The following RBM15 variants were observed in gnomAD, a reference collection of about 807,000 sequenced individuals.
The protein encoded by RBM15 is RNA binding motif protein 15.
A neutral mutation model predicts 62.6 loss-of-function variants in RBM15; 8 were observed. The ratio of observed to expected loss-of-function variants is 0.13; its 90% confidence interval spans 0.07 to 0.23. The LOEUF is 0.23. Among genes scored for constraint, RBM15 ranks in the 10% least tolerant of loss-of-function variants. RBM15 has a pLI of 1.00. For synonymous variants in RBM15, 606 were observed against 505.7 expected (o/e 1.20, Z -2.66); for missense variants, 1,144 against 1,286.5 (o/e 0.89, Z 1.69).
chr1:110,344,021 T>TG (rs1458429394), intron 1 of RBM15, among the ~76,000 whole-genome samples: 4 of 152,318 alleles, frequency 2.6e-5, no homozygotes, highest in East Asian at 3.9e-4. Flanking sequence ...GTTTTTAAAC[T>TG]GGAAAAACTA....
rs1172869180 is a variant in RBM15, at chr1:110,346,006, T to A, written c.*41-302T>A. 3.9e-5 allele frequency among the ~76,000 whole-genome samples: 6 copies of A among 152,332 alleles called. No homozygotes were observed. The East Asian group carries it at 1.2e-3, about 29-fold the overall frequency. On this transcript the variant is annotated intron_variant, in intron 2 of 2. Transcript: ENST00000369784. ...ATTGATTGTGAAACTTTTTTCTGAA[T>A]TTTTTCAACATGTTTTACTCAGTTA... is the stretch of plus-strand genomic sequence containing the variant.
Position 110,341,669 on chromosome 1 carries a change from G to A in RBM15, c.2264G>A (p.Ser755Asn). The A allele has an allele frequency of 6.2e-7, 1 of 1,614,130 alleles. No homozygotes were observed. ...KEDRSDGSAP[S>N]TSTASSKLKS... ...GACCGCTCTGATGGGAGTGCACCTA[G>A]CACCAGCACTGCTTCCTCCAAGCTG... The change falls in exon 1 of 3, where the codon AGC becomes AAC. Residue 755 changes from serine (S) to asparagine (N), a missense_variant. Around this residue, in one of 8 missense-constraint regions of RBM15, gnomAD observed 360 missense variants for 342.9 expected, o/e 1.05. Coordinates refer to ENST00000369784, the MANE Select transcript of RBM15 (RefSeq NM_022768.5). This position sits in a 1 kb window ranked among gnomAD's most constrained non-coding sequence, Gnocchi z 4.5.
Position 110,339,681 on chromosome 1 carries a change from T to C in RBM15, c.276T>C (p.Gly92=), listed in dbSNP as rs767492348. 6.2e-6 allele frequency: 10 copies of C among 1,612,776 alleles called. No individual in the cohort carries two copies. In the South Asian group the frequency reaches 1.1e-4, roughly 18 times the overall value. Residue 92 remains glycine (G), a synonymous_variant, in exon 1 of 3, where the codon GGT becomes GGC. Coordinates refer to ENST00000369784, the MANE Select transcript of RBM15 (RefSeq NM_022768.5). The part of the protein sequence containing the change: ...GSSSGKTDSG[G]GSRRSLHLDK... ...GCAGCGGAAAGACCGATAGCGGCGG[T>C]GGGTCGCGGCGGAGTCTCCACCTGG...
Position 110,340,965 on chromosome 1 carries a change from A to T in RBM15, c.1560A>T (p.Arg520=). The part of the protein sequence containing the change: ...MRGFPLGGPD[R]RLRVDFADTE... Reference sequence around the variant, plus strand: ...GCTTCCCACTTGGTGGCCCAGATCGACGCCTTAGAGTAGACTTTGCCGACA... The same window carrying T: ...GCTTCCCACTTGGTGGCCCAGATCGTCGCCTTAGAGTAGACTTTGCCGACA... Residue 520 remains arginine (R), a synonymous_variant, in exon 1 of 3, where the codon CGA becomes CGT. Transcript: ENST00000369784. The surrounding 1 kb of genome is among the most constrained non-coding windows in gnomAD (Gnocchi z 5.8). The T allele has an allele frequency of 6.2e-7, 1 of 1,614,186 alleles. No homozygotes were observed. Among genetic ancestry groups the T allele is most frequent in the Non-Finnish European group, 8.5e-7 (1 of 1,180,026 alleles).
chr1:110,342,348 C>G, intron 1 of RBM15, 80 bp downstream of exon 1: 1 of 1,102,912 alleles, frequency 9.1e-7, no homozygotes, highest in Non-Finnish European at 1.3e-6. Context: ...TGGGATACAG[C>G]ATCAGATGCA....
intron 1 of RBM15, among the ~76,000 whole-genome samples, chr1:110,344,257 AACTC>A (rs1234441866): frequency 6.6e-6 from 1 of 152,156 alleles, no homozygotes; most frequent in Non-Finnish European, 1.5e-5. Flanking sequence ...AGTTTAAATA[AACTC>A]ACTAACCATT....
At position 110,340,048 on chromosome 1, in the gene RBM15, G is replaced by A; in HGVS notation, c.643G>A (p.Glu215Lys). Residue 215 changes from glutamate to lysine, a missense_variant, in exon 1 of 3, where the codon GAG becomes AAG. By Grantham distance (56) the Glu-to-Lys change is moderately conservative. Around this residue, in one of 8 missense-constraint regions of RBM15, gnomAD observed 188 missense variants for 185.6 expected, o/e 1.01. Coordinates refer to ENST00000369784, the MANE Select transcript of RBM15 (RefSeq NM_022768.5). This position sits in a 1 kb window ranked among gnomAD's most constrained non-coding sequence, Gnocchi z 5.8. ...SHLSGSGSGDERVAFVNFRRP... is the reference protein window; with the variant it reads ...SHLSGSGSGDKRVAFVNFRRP... ...TCTGTCGGGTTCTGGCAGCGGGGAT[G>A]AGCGGGTAGCCTTTGTGAACTTCCG... 1 of 1,614,102 alleles carries A rather than the reference G, an allele frequency of 6.2e-7. No homozygotes were observed. Among genetic ancestry groups the A allele is most frequent in the South Asian group, 1.1e-5 (1 of 91,082 alleles).
At position 110,339,420 on chromosome 1, in the gene RBM15, G is replaced by A; in HGVS notation, c.15G>A (p.Gly5=). The A allele has an allele frequency of 2.0e-6, 3 of 1,525,966 alleles. No homozygotes were observed. The highest frequency in any genetic ancestry group is 2.8e-5 in the African/African-American group (2 of 72,356). The allele number at this position is 1,525,966 out of a possible 1,614,324, so 94.5% of individuals were successfully genotyped here. Reference sequence around the variant, plus strand: ...GCAATTGGCCAATGAGGACTGCGGGGCGGGACCCTGTGCCGCGGCGGAGTC... The same window carrying A: ...GCAATTGGCCAATGAGGACTGCGGGACGGGACCCTGTGCCGCGGCGGAGTC... MRTA[G]RDPVPRRSPR... is the part of the protein sequence containing the mutation. The change falls in exon 1 of 3, where the codon GGG becomes GGA. Residue 5 remains glycine (G), a synonymous_variant. Coordinates refer to ENST00000369784, the MANE Select transcript of RBM15 (RefSeq NM_022768.5).
intron 2 of RBM15, 47 bp downstream of exon 2, chr1:110,345,696 G>A (rs1660884394): frequency 8.8e-7 from 1 of 1,142,830 alleles, no homozygotes. Flanking sequence ...TTATATGTAT[G>A]GTTTAAACAG....
In RBM15 at chr1:110,341,038, C is replaced by G; in HGVS notation, c.1633C>G (p.His545Asp). The G allele has an allele frequency of 6.2e-7, 1 of 1,614,222 alleles. No individual in the cohort carries two copies. Among genetic ancestry groups the G allele is most frequent in the Non-Finnish European group, 8.5e-7 (1 of 1,180,044 alleles). ...QQYLQPLPLT[H>D]YELVTDAFGH... is the part of the protein sequence containing the mutation. The stretch of plus-strand genomic sequence containing the variant: ...GTATCTGCAGCCTCTGCCCTTGACT[C>G]ATTATGAGCTGGTGACAGATGCTTT... The change falls in exon 1 of 3, where the codon CAT (histidine) becomes GAT (aspartate). Residue 545 changes from histidine to aspartate, a missense_variant. His to Asp is a moderately conservative substitution (Grantham distance 81). This residue lies in a region of RBM15 where 360 missense variants were observed against 342.9 expected (regional missense o/e 1.05). Transcript: ENST00000369784. This position sits in a 1 kb window ranked among gnomAD's most constrained non-coding sequence, Gnocchi z 4.5.
intron 1 of RBM15, 176 bp downstream of exon 1, chr1:110,342,444 A>AT (rs1266037439): frequency 6.0e-6 from 3 of 496,266 alleles, no homozygotes; most frequent in South Asian, 5.8e-5. Context: ...CAGTTTAGCT[A>AT]TTTTTTTGTT....
In RBM15 at chr1:110,339,748, G is replaced by T; in HGVS notation, c.343G>T (p.Gly115Cys). 2.5e-6 allele frequency: 4 copies of T among 1,612,176 alleles called. No homozygotes were observed. Among genetic ancestry groups the T allele is most frequent in the Non-Finnish European group, 3.4e-6 (4 of 1,179,282 alleles). The change falls in exon 1 of 3, where the codon GGT becomes TGT. Residue 115 changes from glycine (G) to cysteine (C), a missense_variant. Around this residue, in one of 8 missense-constraint regions of RBM15, gnomAD observed 298 missense variants for 250.0 expected, o/e 1.19. Coordinates refer to ENST00000369784, the MANE Select transcript of RBM15 (RefSeq NM_022768.5). ...AGGTGGCAGCCGCGAGTATGATACC[G>T]GTGGGGGCAGCTCCAGTAGCCGCTT... Reference protein sequence around the residue: ...SRGGSREYDTGGGSSSSRLHS... With the variant: ...SRGGSREYDTCGGSSSSRLHS...
In RBM15 at chr1:110,346,574, CT is replaced by C. The variant is rs1467157151; in HGVS notation, c.*312del. On this transcript the variant is annotated 3_prime_UTR_variant, in exon 3 of 3. Transcript: ENST00000369784. ...ATTTCTGGAAAAGTAAAGAAAAACC[CT>C]TTTTATGGCTCACACAGCTTAAGAG... The C allele has an allele frequency of 1.1e-5, 6 of 545,110 alleles. No individual in the cohort carries two copies. In the Admixed American group the frequency reaches 2.0e-4, roughly 18 times the overall value. The allele number at this position is 545,110 out of a possible 1,614,324, so 33.8% of individuals were successfully genotyped here.
chr1:110,341,690 A>G lies in RBM15; in HGVS notation c.2285A>G (p.Lys762Arg). The G allele has an allele frequency of 6.2e-7, 1 of 1,614,152 alleles. No homozygotes were observed. The highest frequency in any genetic ancestry group is 2.2e-5 in the East Asian group (1 of 44,872). ...SAPSTSTASSKLKSPSQKQDG... is the reference protein window; with the variant it reads ...SAPSTSTASSRLKSPSQKQDG... ...CCTAGCACCAGCACTGCTTCCTCCA[A>G]GCTGAAGTCCCCGTCCCAGAAACAG... Residue 762 changes from lysine to arginine, a missense_variant, in exon 1 of 3, where the codon AAG becomes AGG. Lys to Arg is a conservative substitution (Grantham distance 26, BLOSUM62 2). Coordinates refer to ENST00000369784, the MANE Select transcript of RBM15 (RefSeq NM_022768.5). The surrounding 1 kb of genome is among the most constrained non-coding windows in gnomAD (Gnocchi z 4.5).
At position 110,339,494 on chromosome 1, in the gene RBM15, G is replaced by T. The variant is rs201292259; in HGVS notation, c.89G>T (p.Arg30Leu). 6.3e-7 allele frequency: 1 copy of T among 1,583,294 alleles called. No homozygotes were observed. The highest frequency in any genetic ancestry group is 8.6e-7 in the Non-Finnish European group (1 of 1,161,508). Residue 30 changes from arginine (R) to leucine (L), a missense_variant, in exon 1 of 3, where the codon CGG (arginine) becomes CTG (leucine). Coordinates refer to ENST00000369784, the MANE Select transcript of RBM15 (RefSeq NM_022768.5). ...CTGTGTGAAACGAGCGCGGGGCGGC[G>T]GGTTACTCAGCTCCGCGGAGACGAC... Reference protein sequence around the residue: ...VPLCETSAGRRVTQLRGDDLR... With the variant: ...VPLCETSAGRLVTQLRGDDLR...
At position 110,340,339 on chromosome 1, in the gene RBM15, C is replaced by G. The variant is rs199845306; in HGVS notation, c.934C>G (p.Leu312Val). 1.2e-6 allele frequency: 2 copies of G among 1,614,214 alleles called. No homozygotes were observed. Among genetic ancestry groups the G allele is most frequent in the Non-Finnish European group, 8.5e-7 (1 of 1,180,034 alleles). ...YRDYRLQQLA[L>V]GRLPPPPPPP... ...AGACTACCGGCTGCAGCAGTTGGCTCTTGGCCGCCTGCCCCCTCCACCTCC... is the reference window on the plus strand; with the variant it reads ...AGACTACCGGCTGCAGCAGTTGGCTGTTGGCCGCCTGCCCCCTCCACCTCC... The change falls in exon 1 of 3, where the codon CTT becomes GTT. Residue 312 changes from leucine (L) to valine (V), a missense_variant. By Grantham distance (32) the Leu-to-Val change is conservative. Transcript: ENST00000369784. This position sits in a 1 kb window ranked among gnomAD's most constrained non-coding sequence, Gnocchi z 5.8.
At position 110,341,216 on chromosome 1, in the gene RBM15, C is replaced by T. The variant is rs1239629616; in HGVS notation, c.1811C>T (p.Ser604Phe). Residue 604 changes from serine to phenylalanine, a missense_variant, in exon 1 of 3, where the codon TCT (serine) becomes TTT (phenylalanine). Transcript: ENST00000369784. The surrounding 1 kb of genome is among the most constrained non-coding windows in gnomAD (Gnocchi z 4.5). ...RERSTRTAAT[S>F]VPAYEPLDSL... ...CGCAGCACTCGGACTGCAGCTACTTCTGTGCCTGCTTACGAGCCACTGGAT... is the reference window on the plus strand; with the variant it reads ...CGCAGCACTCGGACTGCAGCTACTTTTGTGCCTGCTTACGAGCCACTGGAT... 1.9e-6 allele frequency: 3 copies of T among 1,614,036 alleles called. No homozygotes were observed. The highest frequency in any genetic ancestry group is 3.3e-5 in the Admixed American group (2 of 60,012).
At position 110,341,866 on chromosome 1, in the gene RBM15, T is replaced by A. The variant is rs1318324244; in HGVS notation, c.2461T>A (p.Ser821Thr). 1 of 1,614,208 alleles carries A rather than the reference T, an allele frequency of 6.2e-7. No homozygotes were observed. Among genetic ancestry groups the A allele is most frequent in the East Asian group, 2.2e-5 (1 of 44,878 alleles). Residue 821 changes from serine (S) to threonine (T), a missense_variant, in exon 1 of 3, where the codon TCA (serine) becomes ACA (threonine). By Grantham distance (58) the Ser-to-Thr change is moderately conservative. This residue lies in a region of RBM15 where 144 missense variants were observed against 223.3 expected (regional missense o/e 0.64). Transcript: ENST00000369784. This position sits in a 1 kb window ranked among gnomAD's most constrained non-coding sequence, Gnocchi z 4.5. ...GGCTAGTAGTCTTCTTGTGGAGGGT[T>A]CAACTGGAGGCAAAGTGGCCCAGCT... is the stretch of plus-strand genomic sequence containing the variant. ...QVASSLLVEG[S>T]TGGKVAQLKI...
Position 110,342,138 on chromosome 1 carries a change from C to G in RBM15, c.2733C>G (p.Asn911Lys), listed in dbSNP as rs371641830. The G allele has an allele frequency of 1.9e-6, 3 of 1,613,984 alleles. No individual in the cohort carries two copies. The highest frequency in any genetic ancestry group is 1.1e-5 in the South Asian group (1 of 91,076). Residue 911 changes from asparagine to lysine, a missense_variant, in exon 1 of 3, where the codon AAC (asparagine) becomes AAG (lysine). By Grantham distance (94) the Asn-to-Lys change is moderately conservative. Around this residue, in one of 8 missense-constraint regions of RBM15, gnomAD observed 144 missense variants for 223.3 expected, o/e 0.64. Coordinates refer to ENST00000369784, the MANE Select transcript of RBM15 (RefSeq NM_022768.5). ...TGATCAGCCTCCCTGTGGGGGGCAACAAAGACAAGGAAAACACCGGGGTCC... is the reference window on the plus strand; with the variant it reads ...TGATCAGCCTCCCTGTGGGGGGCAAGAAAGACAAGGAAAACACCGGGGTCC... ...AGVISLPVGG[N>K]KDKENTGVLH...
Sources: allele counts gnomAD v4.1 joint callset (sites outside exome capture counted in the v4.1 genomes callset), GRCh38; gene constraint gnomAD v4.1.1; regional missense constraint gnomAD v4.1.1; non-coding constraint Gnocchi (gnomAD v3.1); transcripts MANE v1.5; gene names NCBI Gene and HGNC (gene_info 2026-07-23, HGNC 2026-07-21).